The following KIF18A variants were observed in gnomAD, a reference collection of about 807,000 sequenced individuals.
KIF18A encodes the protein kinesin-like protein KIF18A.
In KIF18A, 67 loss-of-function variants were observed where a neutral mutation model predicts 103.3. The observed-to-expected ratio is 0.65, with a 90% CI of 0.53 to 0.79. KIF18A has a LOEUF of 0.79. Among genes scored for constraint, KIF18A ranks in the 30% least tolerant of loss-of-function variants. KIF18A has a pLI of 0.00. For missense variants in KIF18A, 1,032 were observed against 1,062.5 expected (o/e 0.97, Z 0.40); for synonymous variants, 367 against 355.5 (o/e 1.03, Z -0.36).
At chr11:28,032,086 T>G (rs1608871) in intron 15 of KIF18A, among the ~76,000 whole-genome samples, 1 of 146,664 alleles carries the variant, frequency 6.8e-6, no homozygotes, top group African/African-American at 2.6e-5. Flanking sequence ...CATATCTATA[T>G]ACAAACACTG....
At chr11:28,058,138 TTA>T (rs1269135099) in intron 13 of KIF18A, among the ~76,000 whole-genome samples, 1 of 152,136 alleles carries the variant, frequency 6.6e-6, no homozygotes, top group Non-Finnish European at 1.5e-5. Context: ...TTAACTAAGA[TTA>T]TATGTTAGCT....
At chr11:28,059,239 C>T (rs1018756694) in intron 12 of KIF18A, 78 bp from the exon 13 acceptor site, 24 of 962,332 alleles carry the variant, frequency 2.5e-5, no homozygotes, top group African/African-American at 1.6e-5. Flanking sequence ...TTATGTAACA[C>T]CCAAAGCATT....
intron 15 of KIF18A, among the ~76,000 whole-genome samples, chr11:28,033,958 C>G (rs1185114858): frequency 1.3e-5 from 2 of 151,250 alleles, no homozygotes; most frequent in African/African-American, 4.8e-5. Flanking sequence ...TCCCATGCAC[C>G]CCCTAATATA....
intron 9 of KIF18A, among the ~76,000 whole-genome samples, chr11:28,082,505 T>C (rs1275330068): frequency 1.3e-5 from 2 of 152,174 alleles, no homozygotes; most frequent in African/African-American, 4.8e-5. Flanking sequence ...CAATAAAGTA[T>C]GTCTAAAATT....
At chr11:28,081,724 T>G (rs950469785) in intron 9 of KIF18A, among the ~76,000 whole-genome samples, 8 of 152,180 alleles carry the variant, frequency 5.3e-5, no homozygotes, top group African/African-American at 1.9e-4. Context: ...TTTTGTGTCT[T>G]CTTATTTAGG....
At position 28,051,883 on chromosome 11, in the gene KIF18A, A is replaced by G. The variant is rs561267837; in HGVS notation, c.1948+7043T>C. On this transcript the variant is annotated intron_variant, in intron 13 of 16. Coordinates refer to ENST00000263181, the MANE Select transcript of KIF18A (RefSeq NM_031217.4). ...TGGATGTATCTTAGACAAATTTAAC[A>G]TGCCTAGAACTGAACTCCTAATTTT... 3.3e-5 allele frequency among the ~76,000 whole-genome samples: 5 copies of G among 152,152 alleles called. No homozygotes were observed. In the East Asian group the frequency reaches 9.7e-4, roughly 29 times the overall value.
At chr11:28,060,522 A>G (rs1246700434) in intron 12 of KIF18A, among the ~76,000 whole-genome samples, 1 of 152,178 alleles carries the variant, frequency 6.6e-6, no homozygotes, top group Non-Finnish European at 1.5e-5. Context: ...AAAGTTATTA[A>G]TCAAAGTCAT....
chr11:28,057,389 C>T (rs1028774046), intron 13 of KIF18A, among the ~76,000 whole-genome samples: 2 of 152,058 alleles, frequency 1.3e-5, no homozygotes, highest in East Asian at 1.9e-4. Context: ...ATGGCGGGCA[C>T]CTGTAGTCCC....
intron 15 of KIF18A, among the ~76,000 whole-genome samples, chr11:28,024,832 G>A (rs1001997961): frequency 1.2e-4 from 18 of 151,840 alleles, no homozygotes; most frequent in African/African-American, 4.4e-4. Flanking sequence ...GGGAAATTCT[G>A]GCTAATAAAG....
At chr11:28,040,401 C>T (rs1226956657) in intron 13 of KIF18A, among the ~76,000 whole-genome samples, 2 of 151,698 alleles carry the variant, frequency 1.3e-5, no homozygotes, top group East Asian at 1.9e-4. Context: ...CCTGATTCAG[C>T]TTGGGAAAAC....
chr11:28,023,882 CA>C (rs754101012), intron 15 of KIF18A, 32 bp from the exon 16 acceptor site: 1 of 1,237,952 alleles, frequency 8.1e-7, no homozygotes, highest in Non-Finnish European at 1.2e-6. Context: ...TTTAGTTAAG[CA>C]TTTTTTTTAT....
In KIF18A at chr11:28,058,910, C is replaced by T. The variant is rs202203261; in HGVS notation, c.1948+16G>A. On this transcript the variant is annotated intron_variant, in intron 13 of 16. Coordinates refer to ENST00000263181, the MANE Select transcript of KIF18A (RefSeq NM_031217.4). ...AAATAATGTTACTATTTACTTAAAA[C>T]GAAAGTTATACTTACAACAAGGAAT... 314 of 1,595,718 alleles carry T rather than the reference C, an allele frequency of 2.0e-4. 1 individual carries two copies. The highest frequency in any genetic ancestry group is 5.0e-4 in the Middle Eastern group (3 of 5,994).
intron 9 of KIF18A, among the ~76,000 whole-genome samples, chr11:28,082,046 G>T (rs1350209550): frequency 6.6e-6 from 1 of 152,104 alleles, no homozygotes; most frequent in Non-Finnish European, 1.5e-5. Flanking sequence ...GGACTGAATT[G>T]CTGCAATCTC....
At chr11:28,024,270 A>G (rs1049156329) in intron 15 of KIF18A, among the ~76,000 whole-genome samples, 5 of 151,808 alleles carry the variant, frequency 3.3e-5, no homozygotes, top group African/African-American at 1.2e-4. Flanking sequence ...TAAACAAGTG[A>G]GATTGTTTGA....
chr11:28,057,993 G>A (rs1050094602), intron 13 of KIF18A, among the ~76,000 whole-genome samples: 48 of 152,200 alleles, frequency 3.2e-4, no homozygotes, highest in African/African-American at 1.1e-3. Flanking sequence ...TGTAATACAT[G>A]TGTATTACAC....
At chr11:28,087,900 C>A (rs1258109729) in intron 6 of KIF18A, among the ~76,000 whole-genome samples, 1 of 152,006 alleles carries the variant, frequency 6.6e-6, no homozygotes, top group East Asian at 1.9e-4. Context: ...ACTTAAATTG[C>A]CATATTATAA....
chr11:28,085,402 C>T (rs184975368), intron 6 of KIF18A, among the ~76,000 whole-genome samples: 215 of 152,286 alleles, frequency 1.4e-3, no homozygotes, highest in African/African-American at 5.0e-3. Flanking sequence ...TGGTCATGCT[C>T]CTTGTCCACT....
chr11:28,085,513 T>A (rs1217986282), intron 6 of KIF18A, among the ~76,000 whole-genome samples: 1 of 152,152 alleles, frequency 6.6e-6, no homozygotes, highest in Non-Finnish European at 1.5e-5. Context: ...TTCTTATAAG[T>A]GCACAGAAGA....
intron 13 of KIF18A, among the ~76,000 whole-genome samples, chr11:28,055,351 A>G (rs1342573660): frequency 6.6e-6 from 1 of 152,186 alleles, no homozygotes; most frequent in Non-Finnish European, 1.5e-5. Context: ...TGGATTATTA[A>G]TAAGATGGTG....
Sources: allele counts gnomAD v4.1 joint callset (sites outside exome capture counted in the v4.1 genomes callset), GRCh38; gene constraint gnomAD v4.1.1; transcripts MANE v1.5; gene names NCBI Gene and HGNC (gene_info 2026-07-23, HGNC 2026-07-21).